The following GRIN2B variants were observed in gnomAD, a reference collection of about 807,000 sequenced individuals.
GRIN2B encodes the protein glutamate ionotropic receptor NMDA type subunit 2B.
In GRIN2B, 5 loss-of-function variants were observed where a neutral mutation model predicts 114.5. The observed-to-expected ratio is 0.04, with a 90% CI of 0.02 to 0.09. The LOEUF (loss-of-function observed/expected upper bound fraction) is 0.09. Among genes scored for constraint, GRIN2B ranks in the 10% least tolerant of loss-of-function variants. The probability of loss-of-function intolerance (pLI) is 1.00; values close to 1 mark genes in which losing one functional copy is unlikely to be tolerated. For synonymous variants in GRIN2B, 787 were observed against 745.1 expected, an observed-to-expected ratio of 1.06 and a Z score of -0.92; for missense variants, 1,108 against 1,943.5, an observed-to-expected ratio of 0.57 and a Z score of 8.08.
In GRIN2B at chr12:13,547,937, G is replaced by A. The variant is rs7487253; in HGVS notation, c.*14846C>T. ...CTTACCCAAACAGGGTTATGTATATGTATGTATGTATGTATGTGTGTGTAT... is the reference window on the plus strand; with the variant it reads ...CTTACCCAAACAGGGTTATGTATATATATGTATGTATGTATGTGTGTGTAT... On this transcript the variant is annotated 3_prime_UTR_variant, in exon 14 of 14. Coordinates refer to ENST00000609686, the MANE Select transcript of GRIN2B (RefSeq NM_000834.5). 9.1e-6 allele frequency: 1 copy of A among 109,644 alleles called. No homozygotes were observed. Among genetic ancestry groups the A allele is most frequent in the Non-Finnish European group, 1.9e-5 (1 of 53,148 alleles). The allele number at this position is 109,644 out of a possible 1,614,324, so 6.8% of individuals were successfully genotyped here.
At chr12:13,623,920 A>T (rs1305626721) in intron 5 of GRIN2B, among the ~76,000 whole-genome samples, 1 of 152,166 alleles carries the variant, frequency 6.6e-6, no homozygotes, top group African/African-American at 2.4e-5. Flanking sequence ...CCTATACTAC[A>T]TGTGACAGAG....
At chr12:13,646,236 C>G (rs987832368) in intron 5 of GRIN2B, among the ~76,000 whole-genome samples, 1 of 152,162 alleles carries the variant, frequency 6.6e-6, no homozygotes, top group Admixed American at 6.5e-5. Context: ...AGCATCTGCA[C>G]TCTCCTTGCT....
chr12:13,751,862 T>C (rs1417541691), intron 4 of GRIN2B, among the ~76,000 whole-genome samples: 2 of 152,060 alleles, frequency 1.3e-5, no homozygotes, highest in East Asian at 3.9e-4. Flanking sequence ...GAAGTGCCCA[T>C]ATTTAAGGGA....
chr12:13,601,440 G>T (rs1949158956), intron 10 of GRIN2B, among the ~76,000 whole-genome samples: 1 of 151,784 alleles, frequency 6.6e-6, no homozygotes, highest in African/African-American at 2.4e-5. Flanking sequence ...AAGAACAATT[G>T]TCTTTGGATT....
intron 5 of GRIN2B, among the ~76,000 whole-genome samples, chr12:13,658,587 CAT>C (rs1441484331): frequency 1.3e-5 from 2 of 152,146 alleles, no homozygotes; most frequent in East Asian, 1.9e-4. Flanking sequence ...AGAATAAAAA[CAT>C]AGATTTTGAA....
At position 13,563,315 on chromosome 12, in the gene GRIN2B, A is replaced by C; in HGVS notation, c.3923T>G (p.Val1308Gly). Residue 1308 changes from valine (V) to glycine (G), a missense_variant, in exon 14 of 14, where the codon GTG becomes GGG. Physicochemically the swap from Val to Gly is moderately radical, Grantham distance 109. Coordinates refer to ENST00000609686, the MANE Select transcript of GRIN2B (RefSeq NM_000834.5). The part of the protein sequence containing the change: ...LRRQHSYDTF[V>G]DLQKEEAALA... ...GGCGGCTTCTTCCTTCTGCAGGTCC[A>C]CGAAGGTGTCGTAGGAGTGCTGCCG... 1 of 1,614,142 alleles carries C rather than the reference A, an allele frequency of 6.2e-7. No individual in the cohort carries two copies.
At chr12:13,696,877 C>G (rs1053086104) in intron 4 of GRIN2B, among the ~76,000 whole-genome samples, 3 of 152,162 alleles carry the variant, frequency 2.0e-5, no homozygotes, top group African/African-American at 2.4e-5. Flanking sequence ...AATTCTCCCC[C>G]ACCAAGCCCT....
intron 10 of GRIN2B, among the ~76,000 whole-genome samples, chr12:13,588,091 T>C (rs1948955595): frequency 6.6e-6 from 1 of 152,190 alleles, no homozygotes. Context: ...TCCATGATAA[T>C]TCTATCATGA....
chr12:13,960,571 C>A (rs758684927), intron 2 of GRIN2B, among the ~76,000 whole-genome samples: 2 of 152,054 alleles, frequency 1.3e-5, no homozygotes, highest in Non-Finnish European at 2.9e-5. Flanking sequence ...AGCATCAGGC[C>A]TAAGGCACTA....
At chr12:13,573,624 G>A (rs1380330742) in intron 10 of GRIN2B, among the ~76,000 whole-genome samples, 2 of 152,142 alleles carry the variant, frequency 1.3e-5, no homozygotes, top group South Asian at 2.1e-4. Context: ...CTTTGGCATC[G>A]GAACGACAAT....
At chr12:13,804,154 TCTC>T (rs992872228) in intron 3 of GRIN2B, among the ~76,000 whole-genome samples, 6 of 122,486 alleles carry the variant, frequency 4.9e-5, no homozygotes, top group Non-Finnish European at 1.0e-4. Flanking sequence ...TTTCTGCAGC[TCTC>T]TTTTTTTTTT....
intron 3 of GRIN2B, among the ~76,000 whole-genome samples, chr12:13,755,534 G>C (rs979147012): frequency 6.6e-6 from 1 of 152,156 alleles, no homozygotes; most frequent in African/African-American, 2.4e-5. Context: ...GAGCTTCATA[G>C]GATCATGTAA....
At chr12:13,618,428 T>C (rs532898198) in intron 5 of GRIN2B, among the ~76,000 whole-genome samples, 2 of 152,334 alleles carry the variant, frequency 1.3e-5, no homozygotes, top group African/African-American at 2.4e-5. Flanking sequence ...CAGTCCCTTT[T>C]GATTTTTTTT....
rs1168374610 is a variant in GRIN2B, at chr12:13,567,068, C to T, written c.2555G>A (p.Gly852Asp). 6.2e-7 allele frequency: 1 copy of T among 1,614,108 alleles called. No individual in the cohort carries two copies. Among genetic ancestry groups the T allele is most frequent in the South Asian group, 1.1e-5 (1 of 91,072 alleles). The part of the protein sequence containing the change: ...FYWQFRHCFM[G>D]VCSGKPGMVF... ...CATGCCAGGCTTGCCAGAACAGACACCCATAAAGCAATGTCGGAACTGCCA... is the reference window on the plus strand; with the variant it reads ...CATGCCAGGCTTGCCAGAACAGACATCCATAAAGCAATGTCGGAACTGCCA... The change falls in exon 13 of 14, where the codon GGT becomes GAT. Residue 852 changes from glycine (G) to aspartate (D), a missense_variant. This residue lies in a region of GRIN2B where 30 missense variants were observed against 35.9 expected (regional missense o/e 0.84). Coordinates refer to ENST00000609686, the MANE Select transcript of GRIN2B (RefSeq NM_000834.5).
chr12:13,607,555 A>C (rs1949299918), intron 10 of GRIN2B, among the ~76,000 whole-genome samples: 1 of 141,514 alleles, frequency 7.1e-6, no homozygotes, highest in Non-Finnish European at 1.5e-5. Flanking sequence ...GAGATGTAGA[A>C]GGAAAAATGA....
Position 13,661,707 on chromosome 12 carries a change from A to C in GRIN2B, c.1125+14038T>G, listed in dbSNP as rs545955825. 3.0e-4 allele frequency among the ~76,000 whole-genome samples: 46 copies of C among 152,276 alleles called. 2 individuals carry two copies. In the South Asian group the frequency reaches 9.1e-3, roughly 30 times the overall value. On this transcript the variant is annotated intron_variant, in intron 5 of 13. Transcript: ENST00000609686. ...TTAATGAAAGAGGTGGGACACTTGC[A>C]GGGGGCTGAGATGAACTGGACAGCA... is the stretch of plus-strand genomic sequence containing the variant.
chr12:13,743,401 C>T (rs1013506060), intron 4 of GRIN2B, among the ~76,000 whole-genome samples: 6 of 152,102 alleles, frequency 3.9e-5, no homozygotes, highest in South Asian at 2.1e-4. Flanking sequence ...ACAATGACCC[C>T]GTGCAGCCTG....
At chr12:13,798,006 T>A (rs886102730) in intron 3 of GRIN2B, among the ~76,000 whole-genome samples, 1 of 152,222 alleles carries the variant, frequency 6.6e-6, no homozygotes, top group African/African-American at 2.4e-5. Context: ...AAAGTCAATC[T>A]TTAAGTCACA....
At chr12:13,711,216 C>T (rs1338495788) in intron 4 of GRIN2B, among the ~76,000 whole-genome samples, 2 of 151,360 alleles carry the variant, frequency 1.3e-5, no homozygotes, top group Non-Finnish European at 3.0e-5. Flanking sequence ...ATACCTTATA[C>T]AAAAATTAAT....
Sources: gnomAD v4.1 joint callset for allele counts (sites outside exome capture counted in the v4.1 genomes callset) on GRCh38, gnomAD v4.1.1 for gene constraint, gnomAD v4.1.1 regional missense constraint, MANE v1.5 for transcripts, NCBI Gene and HGNC (gene_info 2026-07-23, HGNC 2026-07-21) for gene names.